ZNF326: variants seen among roughly 807,000 people sequenced by gnomAD.
The protein encoded by ZNF326 is DBIRD complex subunit ZNF326.
Under a neutral mutation model 63.1 loss-of-function variants are expected in ZNF326, and 30 were observed. The ratio of observed to expected loss-of-function variants is 0.48; its 90% CI spans 0.36 to 0.64. The LOEUF is 0.64. Ranked by LOEUF, ZNF326 falls within the 30% of genes least tolerant of loss-of-function variation. The pLI is 0.00. For synonymous variants in ZNF326, 194 were observed against 228.2 expected (o/e 0.85, Z 1.35); for missense variants, 609 against 720.3 (o/e 0.85, Z 1.77).
In ZNF326 at chr1:90,010,133, G is replaced by A. The variant is rs748264340; in HGVS notation, c.661G>A (p.Asp221Asn). 1.2e-5 allele frequency: 20 copies of A among 1,613,582 alleles called. No individual in the cohort carries two copies. The highest frequency in any genetic ancestry group is 1.6e-5 in the Non-Finnish European group (19 of 1,179,806). The change falls in exon 6 of 12, where the codon GAC (aspartate) becomes AAC (asparagine). Residue 221 changes from aspartate to asparagine, a missense_variant. Transcript: ENST00000340281. ...GSIHRPGIVV[D>N]YQNKSTNVTV... ...CATTCATAGACCCGGAATTGTTGTT[G>A]ACTATCAAAACAAATCCACCAATGT...
At chr1:90,013,384 A>G (rs1649346597) in intron 7 of ZNF326, 147 bp downstream of exon 7, 6 of 598,002 alleles carry the variant, frequency 1.0e-5, no homozygotes, top group Non-Finnish European at 1.6e-5. Flanking sequence ...GGTTTTTGAT[A>G]TTTATATGTA....
At chr1:90,011,093 A>C (rs959563372) in intron 6 of ZNF326, among the ~76,000 whole-genome samples, 3 of 152,224 alleles carry the variant, frequency 2.0e-5, no homozygotes, top group Non-Finnish European at 4.4e-5. Flanking sequence ...TAAATATTGC[A>C]AAAGTTTGAT....
intron 2 of ZNF326, 59 bp from the exon 3 acceptor site, chr1:90,004,944 A>C: frequency 6.7e-7 from 1 of 1,490,286 alleles, no homozygotes; most frequent in Admixed American, 1.7e-5. Context: ...TGTTTTGTGC[A>C]AAGATCCCTG....
chr1:89,998,294 T>C (rs1648502515), intron 2 of ZNF326, 140 bp downstream of exon 2: 1 of 695,122 alleles, frequency 1.4e-6, no homozygotes, highest in South Asian at 2.3e-5. Context: ...CTATATATAG[T>C]ATTTGAATTG....
rs761803106 is a variant in ZNF326 at position 90,027,335 on chromosome 1, C to T, written c.1402-19C>T. On this transcript the variant is annotated intron_variant, in intron 11 of 11. Transcript: ENST00000340281. ...ATAATGAATGTGCTGATTTTGAAAG[C>T]CATTTCTTATGTTTTTAGGGTGAGA... 6.2e-7 allele frequency: 1 copy of T among 1,607,310 alleles called. No homozygotes were observed. The highest frequency in any genetic ancestry group is 2.2e-5 in the East Asian group (1 of 44,690).
At chr1:90,013,494 A>G (rs566829852) in intron 7 of ZNF326, among the ~76,000 whole-genome samples, 90 of 152,348 alleles carry the variant, frequency 5.9e-4, no homozygotes, top group Middle Eastern at 3.4e-3. Context: ...AAAAAGAAAC[A>G]CTTGTCATTG....
At position 89,995,197 on chromosome 1, in the gene ZNF326, G is replaced by T; in HGVS notation, c.-61G>T. 6.6e-7 allele frequency: 1 copy of T among 1,520,494 alleles called. No homozygotes were observed. 94.2% of individuals were successfully genotyped at this position (1,520,494 alleles called of 1,614,324 possible). Reference sequence around the variant, plus strand: ...TCGTGTGGAATCGCGGGTCGCGGACGCTCGCCGCCGGCCATAGCTCAGCCT... The same window carrying T: ...TCGTGTGGAATCGCGGGTCGCGGACTCTCGCCGCCGGCCATAGCTCAGCCT... On this transcript the variant is annotated 5_prime_UTR_variant, in exon 1 of 12. Coordinates refer to ENST00000340281, the MANE Select transcript of ZNF326 (RefSeq NM_182976.4).
chr1:90,007,849 G>T lies in ZNF326; in HGVS notation c.615+99G>T, dbSNP rs1649059808. On this transcript the variant is annotated intron_variant, in intron 5 of 11. Transcript: ENST00000340281. The surrounding 1 kb of genome is among the most constrained non-coding windows in gnomAD (Gnocchi z 4.9). ...AACTAGAATAAACACTGTTCATCCC[G>T]GTGTATTTTGAAGCAAAAGCTGAGT... 1.7e-6 allele frequency: 2 copies of T among 1,180,228 alleles called. No homozygotes were observed. The highest frequency in any genetic ancestry group is 1.1e-6 in the Non-Finnish European group (1 of 906,094). 73.1% of individuals were successfully genotyped at this position (1,180,228 alleles called of 1,614,324 possible).
In ZNF326 at chr1:90,031,971, C is replaced by T. The variant is rs1251546064; in HGVS notation, c.*4270C>T. 6.6e-6 allele frequency: 1 copy of T among 152,126 alleles called. No individual in the cohort carries two copies. The highest frequency in any genetic ancestry group is 1.5e-5 in the Non-Finnish European group (1 of 68,026). The allele number at this position is 152,126 out of a possible 1,614,324, so 9.4% of individuals were successfully genotyped here. ...AGTTACAGTTCATTTTATAAATAAA[C>T]AATTGACTTTTTTTGGTAGTTATGG... On this transcript the variant is annotated 3_prime_UTR_variant, in exon 12 of 12. Coordinates refer to ENST00000340281, the MANE Select transcript of ZNF326 (RefSeq NM_182976.4).
chr1:89,995,469 C>G (rs1367195167), intron 1 of ZNF326, among the ~76,000 whole-genome samples, 196 bp downstream of exon 1: 1 of 152,250 alleles, frequency 6.6e-6, no homozygotes, highest in Admixed American at 6.5e-5. Flanking sequence ...GCTCGGCGCC[C>G]GCTGCCGGCG....
rs1182011368 is a variant in ZNF326, at chr1:90,005,146, C to T, written c.111C>T (p.Asp37=). Residue 37 remains aspartate, a synonymous_variant, in exon 4 of 12, where the codon GAC becomes GAT. Transcript: ENST00000340281. ...AAACTCTTATAGGGATGGATCGTGA[C>T]TATGGCCATGGATCCTATGGGGGTC... The part of the protein sequence containing the change: ...GPGSYGGMDR[D]YGHGSYGGQR... 1.9e-6 allele frequency: 3 copies of T among 1,613,820 alleles called. No homozygotes were observed. Among genetic ancestry groups the T allele is most frequent in the African/African-American group, 2.7e-5 (2 of 74,890 alleles).
At chr1:90,020,525 G>A (rs1329423728) in intron 9 of ZNF326, among the ~76,000 whole-genome samples, 3 of 151,918 alleles carry the variant, frequency 2.0e-5, no homozygotes, top group Non-Finnish European at 2.9e-5. Context: ...GTTTTGGGAG[G>A]ATGAATGTAC....
intron 6 of ZNF326, among the ~76,000 whole-genome samples, chr1:90,011,874 G>A (rs979066709): frequency 6.6e-6 from 1 of 152,062 alleles, no homozygotes. Context: ...ATCTTACTCT[G>A]TTGCCCAGGC....
At chr1:90,015,651 T>C (rs1649468776) in intron 7 of ZNF326, among the ~76,000 whole-genome samples, 2 of 151,716 alleles carry the variant, frequency 1.3e-5, no homozygotes, top group Admixed American at 6.6e-5. Context: ...CTGCACTCCA[T>C]AGCCTGGGCA....
intron 2 of ZNF326, 22 bp from the exon 3 acceptor site, chr1:90,004,981 T>C: frequency 1.2e-6 from 2 of 1,610,274 alleles, no homozygotes; most frequent in Non-Finnish European, 8.5e-7. Context: ...TTACTGACAA[T>C]TTCTTATTGA....
intron 2 of ZNF326, among the ~76,000 whole-genome samples, chr1:89,998,859 T>C (rs1186766875): frequency 1.3e-5 from 2 of 152,194 alleles, no homozygotes; most frequent in African/African-American, 4.8e-5. Context: ...AAATGTAAAA[T>C]CCAACTTTCG....
At chr1:90,003,837 T>C (rs1648819212) in intron 2 of ZNF326, among the ~76,000 whole-genome samples, 3 of 152,332 alleles carry the variant, frequency 2.0e-5, no homozygotes, top group South Asian at 4.1e-4. Context: ...AGGTTTAAAG[T>C]TGGATGACTT....
chr1:90,002,702 G>A (rs146560524), intron 2 of ZNF326, among the ~76,000 whole-genome samples: 1,590 of 152,230 alleles, frequency 0.01, 13 homozygotes, highest in South Asian at 0.016. Context: ...CTCTGTAAGT[G>A]TAAATTACAC....
Position 90,023,194 on chromosome 1 carries a change from C to T in ZNF326, c.1401+849C>T, listed in dbSNP as rs544704318. On this transcript the variant is annotated intron_variant, in intron 11 of 11. Transcript: ENST00000340281. ...TTGGTTTTGTTGTGTTTTTACTTCT[C>T]TTATAATACCCAGACTGGTCTGATA... is the stretch of plus-strand genomic sequence containing the variant. Among the ~76,000 whole-genome samples, 3 of 152,236 alleles carry T rather than the reference C, an allele frequency of 2.0e-5. No individual in the cohort carries two copies. The South Asian group carries it at 6.2e-4, about 32-fold the overall frequency.
Sources: allele counts gnomAD v4.1 joint callset (sites outside exome capture counted in the v4.1 genomes callset), GRCh38; gene constraint gnomAD v4.1.1; non-coding constraint Gnocchi (gnomAD v3.1); transcripts MANE v1.5; gene names NCBI Gene and HGNC (gene_info 2026-07-23, HGNC 2026-07-21).